Variants in SHLD2 observed in about 807,000 individuals in gnomAD.
SHLD2 encodes RINN1-REV7-interacting novel NHEJ regulator 2.
Under a neutral mutation model 73.2 loss-of-function variants are expected in SHLD2, and 30 were observed. That is an observed-to-expected ratio of 0.41 (90% CI 0.31 to 0.56). SHLD2 has a LOEUF of 0.56. SHLD2 is among the 20% of genes least tolerant of loss of function. The pLI, the probability that SHLD2 is intolerant of heterozygous loss-of-function variation, is 0.28. For missense variants in SHLD2, 745 were observed against 1,055.9 expected, an observed-to-expected ratio of 0.71 and a Z score of 4.08; for synonymous variants, 285 against 370.1, an observed-to-expected ratio of 0.77 and a Z score of 2.64.
chr10:87,095,721 A>T (rs181422743), intron 1 of SHLD2, among the ~76,000 whole-genome samples: 1 of 152,180 alleles, frequency 6.6e-6, no homozygotes, highest in Admixed American at 6.5e-5. Context: ...TCGCATAGTT[A>T]CGCACGTCGT....
At chr10:87,094,686 C>T (rs1441581720), upstream of SHLD2, 1 of 1,505,642 alleles carries the variant, frequency 6.6e-7, no homozygotes, top group South Asian at 1.2e-5. This position sits in a 1 kb window ranked among gnomAD's most constrained non-coding sequence, Gnocchi z 6.6. Flanking sequence ...AGCCCAGCAA[C>T]GCGGCCGAGT....
intron 6 of SHLD2, among the ~76,000 whole-genome samples, chr10:87,173,316 G>A (rs1295529589): frequency 6.6e-6 from 1 of 152,100 alleles, no homozygotes; most frequent in African/African-American, 2.4e-5. Context: ...GCATGAGCCA[G>A]CCACCGCACC....
intron 2 of SHLD2, among the ~76,000 whole-genome samples, chr10:87,115,731 C>G (rs1260138111): frequency 6.6e-6 from 1 of 152,116 alleles, no homozygotes. Context: ...GTCAAGAATT[C>G]TAAGCTAGTG....
intron 2 of SHLD2, among the ~76,000 whole-genome samples, chr10:87,122,149 A>T (rs1254707338): frequency 3.8e-5 from 4 of 106,094 alleles, no homozygotes; most frequent in Admixed American, 1.1e-4. Flanking sequence ...TTTTTTTTCC[A>T]TGTTGTCTTT....
intron 9 of SHLD2, among the ~76,000 whole-genome samples, chr10:87,190,204 A>G (rs1275611769): frequency 6.6e-6 from 1 of 152,122 alleles, no homozygotes; most frequent in Non-Finnish European, 1.5e-5. Flanking sequence ...GATTACAGGC[A>G]TGTGCCACCA....
chr10:87,152,894 G>A lies in SHLD2; in HGVS notation c.1525+15G>A, dbSNP rs1231554781. On this transcript the variant is annotated intron_variant, in intron 3 of 9. Transcript: ENST00000298786. Reference sequence around the variant, plus strand: ...TTTACTCACAGGTGAGGTCATTATGGTATAGTGGTAGCTTATTTTATAAAG... The same window carrying A: ...TTTACTCACAGGTGAGGTCATTATGATATAGTGGTAGCTTATTTTATAAAG... 2.5e-6 allele frequency: 4 copies of A among 1,594,102 alleles called. No homozygotes were observed. In the African/African-American group the frequency reaches 5.4e-5, roughly 22 times the overall value.
At chr10:87,156,051 C>G (rs1261350130) in intron 3 of SHLD2, among the ~76,000 whole-genome samples, 2 of 151,016 alleles carry the variant, frequency 1.3e-5, no homozygotes, top group African/African-American at 4.9e-5. Flanking sequence ...ATATATACCC[C>G]CAAACAGAAA....
At chr10:87,189,871 CTG>C (rs952422332) in intron 9 of SHLD2, among the ~76,000 whole-genome samples, 2 of 152,138 alleles carry the variant, frequency 1.3e-5, no homozygotes, top group African/African-American at 4.8e-5. Flanking sequence ...GCATAAGTAA[CTG>C]TGATAAGAAC....
intron 8 of SHLD2, among the ~76,000 whole-genome samples, 163 bp from the exon 9 acceptor site, chr10:87,186,921 AC>A (rs1302089412): frequency 2.0e-5 from 3 of 152,014 alleles, no homozygotes; most frequent in Non-Finnish European, 4.4e-5. Context: ...AAAAAAAAAA[AC>A]CTTTTTTTCC....
At chr10:87,181,239 A>T (rs7082835) in intron 8 of SHLD2, among the ~76,000 whole-genome samples, 79,696 of 142,794 alleles carry the variant, frequency 0.56, 23,228 homozygotes, top group Middle Eastern at 0.66. Flanking sequence ...AAAAAAAAAA[A>T]GCTGGGCAGG....
intron 2 of SHLD2, among the ~76,000 whole-genome samples, chr10:87,123,294 T>C (rs1163496088): frequency 6.6e-6 from 1 of 152,060 alleles, no homozygotes; most frequent in African/African-American, 2.4e-5. Context: ...TATATAGTGC[T>C]ATTGTTTCTT....
chr10:87,153,649 C>T (rs1187165945), intron 3 of SHLD2, among the ~76,000 whole-genome samples: 1 of 152,050 alleles, frequency 6.6e-6, no homozygotes, highest in Non-Finnish European at 1.5e-5. Context: ...CATAGAAGCT[C>T]ATATTTATTG....
chr10:87,139,764 G>T (rs546995721), intron 2 of SHLD2, among the ~76,000 whole-genome samples: 2 of 152,156 alleles, frequency 1.3e-5, no homozygotes, highest in Non-Finnish European at 2.9e-5. Flanking sequence ...GGCAGAGGTT[G>T]CAGTGAGCTG....
At chr10:87,186,194 A>T (rs1848608491) in intron 8 of SHLD2, among the ~76,000 whole-genome samples, 2 of 152,200 alleles carry the variant, frequency 1.3e-5, no homozygotes, top group South Asian at 4.2e-4. Context: ...AGGAAGGAAC[A>T]TAGAGTCATC....
At chr10:87,109,567 G>A (rs1362670821) in intron 2 of SHLD2, among the ~76,000 whole-genome samples, 1 of 152,188 alleles carries the variant, frequency 6.6e-6, no homozygotes, top group Non-Finnish European at 1.5e-5. Context: ...CCAGAGTGCT[G>A]GGATTACAGG....
chr10:87,186,628 CTTTT>C (rs5786768), intron 8 of SHLD2, among the ~76,000 whole-genome samples: 85,112 of 151,506 alleles, frequency 0.56, 24,598 homozygotes, highest in Middle Eastern at 0.66. Flanking sequence ...GTTCTTCATT[CTTTT>C]TATCAGCTAC....
At chr10:87,172,715 T>C (rs1032819345) in intron 6 of SHLD2, among the ~76,000 whole-genome samples, 1 of 151,870 alleles carries the variant, frequency 6.6e-6, no homozygotes, top group Non-Finnish European at 1.5e-5. Flanking sequence ...AAATATGTTA[T>C]CATATAATAA....
rs10706744 is a variant in SHLD2, at chr10:87,122,173, C to CAAAAAAA, written c.-6+25199_-6+25205dup. Among the ~76,000 whole-genome samples, 46 of 86,406 alleles carry CAAAAAAA rather than the reference C, an allele frequency of 5.3e-4. 2 individuals carry two copies. The highest frequency in any genetic ancestry group is 1.8e-3 in the African/African-American group (39 of 21,398). 56.7% of individuals were successfully genotyped at this position (86,406 alleles called of 152,430 possible). On this transcript the variant is annotated intron_variant, in intron 2 of 9. Coordinates refer to ENST00000298786, the MANE Select transcript of SHLD2 (RefSeq NM_001330112.2). ...CATGTTGTCTTTCTCCACTGACTGTCAAAAAAAAAAAAAAAAAAAAAGGCT... is the reference window on the plus strand; with the variant it reads ...CATGTTGTCTTTCTCCACTGACTGTCAAAAAAAAAAAAAAAAAAAAAAAAAAAAGGCT...
intron 2 of SHLD2, among the ~76,000 whole-genome samples, chr10:87,134,007 T>C (rs555067520): frequency 4.5e-4 from 69 of 152,132 alleles, no homozygotes; most frequent in Non-Finnish European, 9.1e-4. Flanking sequence ...ATGAGGACAA[T>C]GGAAGAAGAG....
Sources: allele counts gnomAD v4.1 joint callset (sites outside exome capture counted in the v4.1 genomes callset), GRCh38; gene constraint gnomAD v4.1.1; non-coding constraint Gnocchi (gnomAD v3.1); transcripts MANE v1.5; gene names NCBI Gene and HGNC (gene_info 2026-07-23, HGNC 2026-07-21).